CPEB3: variants seen among roughly 807,000 people sequenced by gnomAD.
CPEB3 encodes cytoplasmic polyadenylation element-binding protein 3.
A neutral mutation model predicts 67.2 loss-of-function variants in CPEB3; 20 were observed. That is an observed-to-expected ratio of 0.30 (90% CI 0.21 to 0.43). The LOEUF (loss-of-function observed/expected upper bound fraction) is 0.43. CPEB3 is among the 20% of genes least tolerant of loss of function. The probability of loss-of-function intolerance (pLI) is 1.00; values close to 1 mark genes in which losing one functional copy is unlikely to be tolerated. For missense variants in CPEB3, 746 were observed against 968.6 expected (o/e 0.77, Z 3.05); for synonymous variants, 376 against 393.1 (o/e 0.96, Z 0.51).
At chr10:92,152,979 C>A (rs1476816957) in intron 4 of CPEB3, among the ~76,000 whole-genome samples, 1 of 152,112 alleles carries the variant, frequency 6.6e-6, no homozygotes, top group East Asian at 1.9e-4. Context: ...TTTGGCCCCT[C>A]CCAGATTAAA....
At chr10:92,176,727 T>C (rs1470453509) in intron 4 of CPEB3, among the ~76,000 whole-genome samples, 1 of 152,240 alleles carries the variant, frequency 6.6e-6, no homozygotes, top group African/African-American at 2.4e-5. Flanking sequence ...ATTTGGTTTA[T>C]GTGATGAATC....
intron 4 of CPEB3, among the ~76,000 whole-genome samples, chr10:92,161,474 T>C (rs561145041): frequency 1.3e-5 from 2 of 152,238 alleles, no homozygotes; most frequent in Admixed American, 6.5e-5. Flanking sequence ...GATTTCACCA[T>C]GTTGGCCAGG....
rs55912917 is a variant in CPEB3 at position 92,061,825 on chromosome 10, T to A, written c.1870-9386A>T. On this transcript the variant is annotated intron_variant, in intron 9 of 9. Coordinates refer to ENST00000265997, the MANE Select transcript of CPEB3 (RefSeq NM_014912.5). ...CTTAATTGTATATTAAAATAAGGAGTGTAATTGGATTGTTTGTAAGTCAAA... is the reference window on the plus strand; with the variant it reads ...CTTAATTGTATATTAAAATAAGGAGAGTAATTGGATTGTTTGTAAGTCAAA... Among the ~76,000 whole-genome samples the A allele has an allele frequency of 5.4e-3, 826 of 151,848 alleles. 9 individuals carry two copies. Among genetic ancestry groups the A allele is most frequent in the African/African-American group, 0.019 (788 of 41,390 alleles).
intron 2 of CPEB3, among the ~76,000 whole-genome samples, chr10:92,195,275 C>T (rs1170841125): frequency 6.6e-6 from 1 of 152,162 alleles, no homozygotes; most frequent in Non-Finnish European, 1.5e-5. Flanking sequence ...CAACACTCAC[C>T]CATTACCTAT....
chr10:92,222,895 T>C (rs1018179453), intron 2 of CPEB3, among the ~76,000 whole-genome samples: 1 of 152,200 alleles, frequency 6.6e-6, no homozygotes, highest in Non-Finnish European at 1.5e-5. Flanking sequence ...AGAACTAAAT[T>C]CCATAAGGTC....
At chr10:92,226,449 A>G (rs986511665) in intron 2 of CPEB3, among the ~76,000 whole-genome samples, 5 of 152,230 alleles carry the variant, frequency 3.3e-5, no homozygotes, top group Admixed American at 2.6e-4. Context: ...TAAACGTTTT[A>G]ATTACTCACA....
chr10:92,267,498 G>T (rs1853111941), intron 1 of CPEB3, among the ~76,000 whole-genome samples: 1 of 152,182 alleles, frequency 6.6e-6, no homozygotes, highest in Non-Finnish European at 1.5e-5. Context: ...ACTAAGTTAA[G>T]AATTTTTTTA....
At chr10:92,197,163 T>C (rs141047643) in intron 2 of CPEB3, among the ~76,000 whole-genome samples, 203 of 152,304 alleles carry the variant, frequency 1.3e-3, no homozygotes, top group Middle Eastern at 6.8e-3. Context: ...ACATATGACA[T>C]GTGAATGGCA....
At chr10:92,161,325 G>A (rs935581977) in intron 4 of CPEB3, among the ~76,000 whole-genome samples, 2 of 152,012 alleles carry the variant, frequency 1.3e-5, no homozygotes, top group African/African-American at 2.4e-5. Flanking sequence ...AGGCTGGAGT[G>A]CAATGACATG....
intron 1 of CPEB3, among the ~76,000 whole-genome samples, chr10:92,259,520 G>C (rs1176203559): frequency 6.6e-6 from 1 of 151,586 alleles, no homozygotes; most frequent in Non-Finnish European, 1.5e-5. Flanking sequence ...AGAATCTCTT[G>C]AACCCGGGAG....
chr10:92,187,349 T>A (rs1848740409), intron 3 of CPEB3, among the ~76,000 whole-genome samples: 1 of 152,220 alleles, frequency 6.6e-6, no homozygotes, highest in African/African-American at 2.4e-5. Context: ...ACTTTTCAAA[T>A]CTCAGTTCCA....
chr10:92,245,847 A>C (rs1479135152), intron 1 of CPEB3, among the ~76,000 whole-genome samples: 1 of 150,454 alleles, frequency 6.6e-6, no homozygotes, highest in Admixed American at 6.7e-5. Flanking sequence ...AACCAGCCTG[A>C]CCAACACGGT....
At chr10:92,241,041 T>G (rs1243770023) in intron 1 of CPEB3, among the ~76,000 whole-genome samples, 2 of 152,090 alleles carry the variant, frequency 1.3e-5, no homozygotes, top group African/African-American at 4.8e-5. Flanking sequence ...TCCATTTTGT[T>G]AGGAGACAGT....
chr10:92,178,158 T>C (rs781227473), intron 4 of CPEB3, among the ~76,000 whole-genome samples: 71 of 151,676 alleles, frequency 4.7e-4, no homozygotes, highest in Non-Finnish European at 9.7e-4. Flanking sequence ...TTCTCAATTA[T>C]TCCTTTTTTT....
chr10:92,071,625 C>T (rs1436345778), intron 9 of CPEB3, among the ~76,000 whole-genome samples: 2 of 151,802 alleles, frequency 1.3e-5, no homozygotes, highest in Non-Finnish European at 2.9e-5. Context: ...ATCCCAGCTA[C>T]TCGGGAGGCT....
chr10:92,115,353 C>T (rs984808080), intron 6 of CPEB3, among the ~76,000 whole-genome samples: 1 of 147,756 alleles, frequency 6.8e-6, no homozygotes, highest in Non-Finnish European at 1.5e-5. Flanking sequence ...GGGGTTTCAC[C>T]ACGTTGGTCA....
chr10:92,180,850 G>A (rs934680433), intron 4 of CPEB3, 113 bp downstream of exon 4: 1 of 716,266 alleles, frequency 1.4e-6, no homozygotes. Flanking sequence ...CAGAACAATG[G>A]TCTATACTCC....
chr10:92,131,983 GAAGTT>G (rs1845864954), intron 6 of CPEB3, among the ~76,000 whole-genome samples: 2 of 152,120 alleles, frequency 1.3e-5, no homozygotes, highest in South Asian at 4.1e-4. Context: ...AGAAACAAGT[GAAGTT>G]AATTTTAATA....
At chr10:92,137,584 G>A in intron 6 of CPEB3, 2 of 709,696 alleles carry the variant, frequency 2.8e-6, no homozygotes, top group Non-Finnish European at 5.1e-6. Context: ...GACCCTGGAG[G>A]GGGTCCACCA....
Sources: allele counts gnomAD v4.1 joint callset (sites outside exome capture counted in the v4.1 genomes callset), GRCh38; gene constraint gnomAD v4.1.1; transcripts MANE v1.5; gene names NCBI Gene and HGNC (gene_info 2026-07-23, HGNC 2026-07-21).